The following SLC25A16 variants were observed in gnomAD, a reference collection of about 807,000 sequenced individuals.
SLC25A16 encodes solute carrier family 25 member 16.
Under a neutral mutation model 41.5 loss-of-function variants are expected in SLC25A16, and 39 were observed. That is an observed-to-expected ratio of 0.94 (90% CI 0.73 to 1.23). The LOEUF (loss-of-function observed/expected upper bound fraction) is 1.23, where lower values mean the gene tolerates loss of function less well. SLC25A16 is among the 50% of genes most tolerant of loss of function. The pLI is 0.00. For missense variants in SLC25A16, 421 were observed against 426.9 expected (o/e 0.99, Z 0.12); for synonymous variants, 146 against 147.8 (o/e 0.99, Z 0.09).
intron 4 of SLC25A16, among the ~76,000 whole-genome samples, chr10:68,498,602 G>A (rs1413241453): frequency 6.6e-6 from 1 of 152,158 alleles, no homozygotes; most frequent in Non-Finnish European, 1.5e-5. Context: ...AGGCTGAGCG[G>A]GGAGGACTGC....
chr10:68,497,604 T>C (rs924516817), intron 4 of SLC25A16, among the ~76,000 whole-genome samples: 3 of 139,598 alleles, frequency 2.1e-5, no homozygotes, highest in African/African-American at 8.3e-5. Flanking sequence ...ACTTCTAACA[T>C]CTTTTTTTTT....
At chr10:68,514,428 G>A (rs940381678) in intron 2 of SLC25A16, among the ~76,000 whole-genome samples, 11 of 152,086 alleles carry the variant, frequency 7.2e-5, no homozygotes, top group East Asian at 5.8e-4. Flanking sequence ...CCCGGAAGGC[G>A]GAGGTTGCAG....
rs2133466931 is a variant in SLC25A16, at chr10:68,478,810, T to G, written c.*4622A>C. ...TCTCACTCTGTCACCCAGGCTGGAGTGCAGTGGGGCAATCTTGGCTCACTG... is the reference window on the plus strand; with the variant it reads ...TCTCACTCTGTCACCCAGGCTGGAGGGCAGTGGGGCAATCTTGGCTCACTG... On this transcript the variant is annotated 3_prime_UTR_variant, in exon 9 of 9. Coordinates refer to ENST00000609923, the MANE Select transcript of SLC25A16 (RefSeq NM_152707.4). 1 of 152,020 alleles carries G rather than the reference T, an allele frequency of 6.6e-6. No individual in the cohort carries two copies. Among genetic ancestry groups the G allele is most frequent in the East Asian group, 1.9e-4 (1 of 5,196 alleles). The allele number at this position is 152,020 out of a possible 1,614,324, so 9.4% of individuals were successfully genotyped here. A position where few individuals can be genotyped will look rare whatever the true frequency, so the allele number is the denominator to read the frequency against.
intron 2 of SLC25A16, among the ~76,000 whole-genome samples, chr10:68,510,763 G>A (rs866424728): frequency 2.6e-4 from 39 of 152,066 alleles, no homozygotes; most frequent in African/African-American, 8.7e-4. Flanking sequence ...GCTTGAATCC[G>A]GGAGGCGGAG....
At chr10:68,496,058 T>C (rs2052745482) in intron 4 of SLC25A16, among the ~76,000 whole-genome samples, 1 of 152,174 alleles carries the variant, frequency 6.6e-6, no homozygotes, top group Non-Finnish European at 1.5e-5. Flanking sequence ...ATGTATTCTA[T>C]TGAAACTATG....
intron 3 of SLC25A16, 130 bp from the exon 4 acceptor site, chr10:68,503,825 A>T (rs1564919409): frequency 3.0e-6 from 2 of 662,670 alleles, no homozygotes; most frequent in Non-Finnish European, 2.7e-6. Context: ...ATGTGAACGA[A>T]ATGAGCACAA....
At chr10:68,526,740 TTGTCAAGTACTG>T (rs1181444739) in intron 1 of SLC25A16, among the ~76,000 whole-genome samples, 2 of 152,198 alleles carry the variant, frequency 1.3e-5, no homozygotes, top group Non-Finnish European at 2.9e-5. Flanking sequence ...ATAATAGGGC[TTGTCAAGTACTG>T]TGTCACAGTT....
chr10:68,493,395 T>C (rs2052694535), intron 5 of SLC25A16, 54 bp downstream of exon 5: 2 of 1,466,500 alleles, frequency 1.4e-6, no homozygotes, highest in Non-Finnish European at 1.9e-6. Flanking sequence ...ATTCAAAATA[T>C]TTTCCTAAGT....
Position 68,506,731 on chromosome 10 carries a change from G to T in SLC25A16, c.224-13C>A. The T allele has an allele frequency of 6.5e-7, 1 of 1,536,694 alleles. No individual in the cohort carries two copies. The highest frequency in any genetic ancestry group is 8.8e-7 in the Non-Finnish European group (1 of 1,138,326). The stretch of plus-strand genomic sequence containing the variant: ...GCAGAAAATACTCCTATTTTTAGAG[G>T]AAAAATGCTGTTAAAACAGAGAAAA... On this transcript the variant is annotated splice_polypyrimidine_tract_variant and intron_variant, in intron 2 of 8. Coordinates refer to ENST00000609923, the MANE Select transcript of SLC25A16 (RefSeq NM_152707.4).
chr10:68,515,051 T>A (rs2053137051), intron 2 of SLC25A16, among the ~76,000 whole-genome samples: 1 of 150,298 alleles, frequency 6.7e-6, no homozygotes, highest in Admixed American at 6.6e-5. Flanking sequence ...AGTCTTGATT[T>A]TTTTTTTTTT....
At chr10:68,506,417 C>G (rs1025700026) in intron 3 of SLC25A16, among the ~76,000 whole-genome samples, 168 bp downstream of exon 3, 35 of 151,966 alleles carry the variant, frequency 2.3e-4, no homozygotes, top group African/African-American at 8.4e-4. Flanking sequence ...CACTGTACCC[C>G]AGCCTGGGCA....
At position 68,483,251 on chromosome 10, in the gene SLC25A16, CA is replaced by C; in HGVS notation, c.*180del. On this transcript the variant is annotated 3_prime_UTR_variant, in exon 9 of 9. Transcript: ENST00000609923. ...TGTTCTAAGGTATAATGTTTGGCAT[CA>C]AAAAGTATGGTAAGCAGTTCTGATT... The C allele has an allele frequency of 2.0e-6, 1 of 506,930 alleles. No homozygotes were observed. Among genetic ancestry groups the C allele is most frequent in the Non-Finnish European group, 3.5e-6 (1 of 287,812 alleles). 31.4% of individuals were successfully genotyped at this position (506,930 alleles called of 1,614,324 possible).
At position 68,501,012 on chromosome 10, in the gene SLC25A16, A is replaced by C. The variant is rs964084154; in HGVS notation, c.421+2620T>G. On this transcript the variant is annotated intron_variant, in intron 4 of 8. Transcript: ENST00000609923. ...CACACCTGTAATCCCAGCACTTTGGAGGGCCGAGGTGGGCGAATCACCTGA... is the reference window on the plus strand; with the variant it reads ...CACACCTGTAATCCCAGCACTTTGGCGGGCCGAGGTGGGCGAATCACCTGA... Among the ~76,000 whole-genome samples the C allele has an allele frequency of 2.0e-5, 3 of 151,722 alleles. 1 individual carries two copies. The highest frequency in any genetic ancestry group is 4.2e-4 in the South Asian group (2 of 4,788).
At chr10:68,509,123 G>C (rs1408803981) in intron 2 of SLC25A16, among the ~76,000 whole-genome samples, 1 of 152,030 alleles carries the variant, frequency 6.6e-6, no homozygotes, top group Non-Finnish European at 1.5e-5. Flanking sequence ...GATCACTTGA[G>C]GTCAGGAGTT....
At chr10:68,504,654 A>T (rs2052921183) in intron 3 of SLC25A16, among the ~76,000 whole-genome samples, 1 of 150,398 alleles carries the variant, frequency 6.6e-6, no homozygotes. Context: ...TGGGGATTAC[A>T]GGCATGAGCC....
At chr10:68,521,550 C>A (rs1373207866) in intron 1 of SLC25A16, among the ~76,000 whole-genome samples, 1 of 148,342 alleles carries the variant, frequency 6.7e-6, no homozygotes, top group Non-Finnish European at 1.5e-5. Flanking sequence ...ATAAACACAA[C>A]GAGGACTGGT....
At chr10:68,514,516 G>A (rs2053126027) in intron 2 of SLC25A16, among the ~76,000 whole-genome samples, 1 of 152,048 alleles carries the variant, frequency 6.6e-6, no homozygotes, top group Non-Finnish European at 1.5e-5. Flanking sequence ...AATAATTAAT[G>A]TTTTGATCCT....
chr10:68,491,520 G>A lies in SLC25A16; in HGVS notation c.610+1612C>T, dbSNP rs568289075. 8.6e-5 allele frequency among the ~76,000 whole-genome samples: 13 copies of A among 151,456 alleles called. No individual in the cohort carries two copies. In the South Asian group the frequency reaches 1.3e-3, roughly 15 times the overall value. ...GATTACAGGCATGAGCCACCGCACCGGCCCTTGTTGTTGCTTTTTTGTTTG... is the reference window on the plus strand; with the variant it reads ...GATTACAGGCATGAGCCACCGCACCAGCCCTTGTTGTTGCTTTTTTGTTTG... On this transcript the variant is annotated intron_variant, in intron 6 of 8. Coordinates refer to ENST00000609923, the MANE Select transcript of SLC25A16 (RefSeq NM_152707.4).
At chr10:68,489,773 C>T (rs112077621) in intron 6 of SLC25A16, among the ~76,000 whole-genome samples, 20,977 of 151,346 alleles carry the variant, frequency 0.14, 1,848 homozygotes, top group East Asian at 0.19. Flanking sequence ...TGGTGGTGCG[C>T]GCCTGTAGTC....
Sources: gnomAD v4.1 joint callset for allele counts (sites outside exome capture counted in the v4.1 genomes callset) on GRCh38, gnomAD v4.1.1 for gene constraint, MANE v1.5 for transcripts, NCBI Gene and HGNC (gene_info 2026-07-23, HGNC 2026-07-21) for gene names.